UBE2F: variants seen among roughly 807,000 people sequenced by gnomAD.
UBE2F encodes ubiquitin conjugating enzyme E2 F (putative).
In UBE2F, 5 loss-of-function variants were observed where a neutral mutation model predicts 29.6. The observed-to-expected ratio is 0.17, with a 90% CI of 0.09 to 0.36. The LOEUF is 0.36. Among genes scored for constraint, UBE2F ranks in the 10% least tolerant of loss-of-function variants. The pLI, the probability that UBE2F is intolerant of heterozygous loss-of-function variation, is 1.00. For missense variants in UBE2F, 141 were observed against 228.5 expected, an observed-to-expected ratio of 0.62 and a Z score of 2.47; for synonymous variants, 66 against 81.8, an observed-to-expected ratio of 0.81 and a Z score of 1.04.
At chr2:238,015,908 G>T (rs1413117284) in intron 4 of UBE2F, among the ~76,000 whole-genome samples, 1 of 152,086 alleles carries the variant, frequency 6.6e-6, no homozygotes, top group Non-Finnish European at 1.5e-5. Flanking sequence ...TACAGGGTGT[G>T]GGGGGCGGGG....
rs142207426 is a variant in UBE2F at position 238,040,961 on chromosome 2, G to A, written c.508-327G>A. Among the ~76,000 whole-genome samples, 695 of 152,240 alleles carry A rather than the reference G, an allele frequency of 4.6e-3. 5 individuals are homozygous for A. The highest frequency in any genetic ancestry group is 0.016 in the African/African-American group (668 of 41,526). On this transcript the variant is annotated intron_variant, in intron 9 of 9. Transcript: ENST00000272930. The surrounding 1 kb of genome is among the most constrained non-coding windows in gnomAD (Gnocchi z 4.4). ...CATCCATTGTGGCCAAAGGAGTCTT[G>A]GCTTTGTGACCTCGACCACACTTTT...
At chr2:238,025,468 G>A in intron 6 of UBE2F, 56 bp downstream of exon 6, 1 of 1,482,530 alleles carries the variant, frequency 6.7e-7, no homozygotes, top group Non-Finnish European at 9.3e-7. Flanking sequence ...TGCAAGCGTT[G>A]GGCTTTTAAA....
chr2:237,990,787 A>G (rs2063572170), intron 3 of UBE2F, among the ~76,000 whole-genome samples: 3 of 150,246 alleles, frequency 2.0e-5, no homozygotes, highest in East Asian at 2.0e-4. Context: ...TAAAATTATT[A>G]TTATTTTTTT....
At chr2:238,025,452 G>A in intron 6 of UBE2F, 40 bp downstream of exon 6, 1 of 1,557,218 alleles carries the variant, frequency 6.4e-7, no homozygotes, top group Non-Finnish European at 8.8e-7. Context: ...ATTCGTGAGT[G>A]TCATGTGCAA....
At chr2:237,991,123 A>G (rs1465859478) in intron 3 of UBE2F, among the ~76,000 whole-genome samples, 3 of 152,178 alleles carry the variant, frequency 2.0e-5, no homozygotes, top group Non-Finnish European at 4.4e-5. Flanking sequence ...TCCTAGCCCT[A>G]TAGCTATGGT....
intron 5 of UBE2F, among the ~76,000 whole-genome samples, chr2:238,023,087 G>T (rs980638969): frequency 6.6e-5 from 10 of 152,180 alleles, no homozygotes; most frequent in Admixed American, 1.3e-4. Flanking sequence ...CGCAGAAGGG[G>T]TACCTGCTTG....
chr2:237,991,909 A>C (rs1020586387), intron 3 of UBE2F, among the ~76,000 whole-genome samples: 1 of 148,906 alleles, frequency 6.7e-6, no homozygotes, highest in African/African-American at 2.5e-5. Flanking sequence ...TCTTTCACCC[A>C]GGCTGAAGTG....
intron 1 of UBE2F, chr2:237,968,797 C>A: frequency 1.0e-6 from 1 of 977,306 alleles, no homozygotes; most frequent in Non-Finnish European, 1.2e-6. Context: ...TGATCTGTTA[C>A]CGAAATGCTG....
chr2:238,030,839 T>G (rs1399839933), intron 7 of UBE2F, among the ~76,000 whole-genome samples: 1 of 152,226 alleles, frequency 6.6e-6, no homozygotes, highest in East Asian at 1.9e-4. Context: ...CAGGCACCAT[T>G]CTAGAACCAG....
Position 238,023,979 on chromosome 2 carries a change from G to A in UBE2F, c.283-1363G>A, listed in dbSNP as rs767949070. On this transcript the variant is annotated intron_variant, in intron 5 of 9. Transcript: ENST00000272930. ...TGGGAGAAGAGGAAGCAACCTGAGGGCCCAGAGGTAGGGAAGTGCCTATTA... is the reference window on the plus strand; with the variant it reads ...TGGGAGAAGAGGAAGCAACCTGAGGACCCAGAGGTAGGGAAGTGCCTATTA... Among the ~76,000 whole-genome samples the A allele has an allele frequency of 2.5e-4, 38 of 152,274 alleles. 1 individual carries two copies. Among genetic ancestry groups the A allele is most frequent in the Middle Eastern group, 3.4e-3 (1 of 294 alleles).
At chr2:238,029,977 C>G (rs1010436781) in intron 6 of UBE2F, among the ~76,000 whole-genome samples, 5 of 150,506 alleles carry the variant, frequency 3.3e-5, no homozygotes, top group Non-Finnish European at 5.9e-5. Context: ...GACAGGGCCT[C>G]ACACTATTCC....
At chr2:238,018,308 A>G (rs760824127) in intron 5 of UBE2F, among the ~76,000 whole-genome samples, 1 of 152,368 alleles carries the variant, frequency 6.6e-6, no homozygotes, top group Non-Finnish European at 1.5e-5. Flanking sequence ...TACTTATGAC[A>G]TACCGTTCTG....
intron 5 of UBE2F, among the ~76,000 whole-genome samples, chr2:238,020,439 G>A (rs2064265721): frequency 6.6e-6 from 1 of 152,168 alleles, no homozygotes; most frequent in African/African-American, 2.4e-5. Flanking sequence ...CCAGTGCGGA[G>A]CCTAGGGATG....
chr2:237,970,334 C>T (rs2063149883), intron 1 of UBE2F, among the ~76,000 whole-genome samples: 1 of 152,158 alleles, frequency 6.6e-6, no homozygotes. Flanking sequence ...CAAGTCACGC[C>T]ACTGCACTCC....
intron 2 of UBE2F, among the ~76,000 whole-genome samples, chr2:237,974,316 G>C (rs975593678): frequency 6.6e-6 from 1 of 151,664 alleles, no homozygotes; most frequent in Non-Finnish European, 1.5e-5. Flanking sequence ...TCAGACTCTC[G>C]AGTAGCTGGG....
chr2:237,987,991 T>A lies in UBE2F; in HGVS notation c.147T>A (p.Pro49=). 1 of 1,509,032 alleles carries A rather than the reference T, an allele frequency of 6.6e-7. No homozygotes were observed. Among genetic ancestry groups the A allele is most frequent in the Middle Eastern group, 1.8e-4 (1 of 5,672 alleles). 93.5% of individuals were successfully genotyped at this position (1,509,032 alleles called of 1,614,324 possible). A position where few individuals can be genotyped will look rare whatever the true frequency, so the allele number is the denominator to read the frequency against. Residue 49 remains proline, a splice_region_variant and synonymous_variant, in exon 3 of 10, where the codon CCT becomes CCA. Transcript: ENST00000272930. ...TTGCAGAACTTGAAGCTAATTTACC[T>A]TGTAAGTATAGCATCCCCAAACACT... is the stretch of plus-strand genomic sequence containing the variant. The part of the protein sequence containing the change: ...KEVAELEANL[P]CTCKVHFPDP...
intron 4 of UBE2F, among the ~76,000 whole-genome samples, chr2:237,995,754 A>G (rs1041252330): frequency 7.2e-5 from 11 of 152,202 alleles, no homozygotes; most frequent in Non-Finnish European, 1.0e-4. Flanking sequence ...CCTGGTTTCA[A>G]AATATCAAAA....
chr2:238,008,962 A>AT, intron 4 of UBE2F, among the ~76,000 whole-genome samples: 1 of 152,258 alleles, frequency 6.6e-6, no homozygotes, highest in Non-Finnish European at 1.5e-5. Context: ...ATCCTTGAAG[A>AT]TTTTTTTGTA....
intron 9 of UBE2F, among the ~76,000 whole-genome samples, chr2:238,037,835 C>G (rs1241694165): frequency 1.3e-5 from 2 of 152,188 alleles, no homozygotes; most frequent in African/African-American, 4.8e-5. Flanking sequence ...TCTCAAACTC[C>G]TGGCCTCAAG....
Sources: gnomAD v4.1 joint callset for allele counts (sites outside exome capture counted in the v4.1 genomes callset) on GRCh38, gnomAD v4.1.1 for gene constraint, Gnocchi (gnomAD v3.1) non-coding constraint, MANE v1.5 for transcripts, NCBI Gene and HGNC (gene_info 2026-07-23, HGNC 2026-07-21) for gene names.